The following PAPSS1 variants were observed in gnomAD, a reference collection of about 807,000 sequenced individuals.
The protein encoded by PAPSS1 is bifunctional 3'-phosphoadenosine 5'-phosphosulfate synthase 1.
A neutral mutation model predicts 72.0 loss-of-function variants in PAPSS1; 50 were observed. The observed-to-expected ratio is 0.69, with a 90% CI of 0.55 to 0.88. The LOEUF is 0.88. Ranked by LOEUF, PAPSS1 falls within the 40% of genes least tolerant of loss-of-function variation. The pLI is 0.00. For synonymous variants in PAPSS1, 261 were observed against 263.6 expected (o/e 0.99, Z 0.09); for missense variants, 657 against 782.2 (o/e 0.84, Z 1.91).
chr4:107,621,236 G>A (rs542512755), intron 11 of PAPSS1, among the ~76,000 whole-genome samples: 63 of 152,144 alleles, frequency 4.1e-4, no homozygotes, highest in Middle Eastern at 3.4e-3. Flanking sequence ...GGCATAGTAT[G>A]GTACCAGATA....
intron 10 of PAPSS1, among the ~76,000 whole-genome samples, chr4:107,640,954 G>C (rs1419062256): frequency 2.0e-5 from 3 of 152,024 alleles, no homozygotes; most frequent in Non-Finnish European, 4.4e-5. Context: ...CTAACTTCTT[G>C]GCCTTCCCTC....
chr4:107,614,730 C>A (rs1052716855), intron 11 of PAPSS1, among the ~76,000 whole-genome samples: 22 of 152,156 alleles, frequency 1.4e-4, no homozygotes, highest in Non-Finnish European at 2.9e-4. Context: ...ATATCACAGC[C>A]AGGATTATCA....
At chr4:107,701,144 A>T (rs1214887580) in intron 2 of PAPSS1, 27 bp downstream of exon 2, 1 of 1,500,706 alleles carries the variant, frequency 6.7e-7, no homozygotes, top group African/African-American at 1.4e-5. Flanking sequence ...CTTTTAAAAT[A>T]AACTGCTTTC....
In PAPSS1 at chr4:107,656,943, C is replaced by CTA; in HGVS notation, c.847_848insTA (p.Arg283IlefsTer27). 1 of 1,613,884 alleles carries CTA rather than the reference C, an allele frequency of 6.2e-7. No homozygotes were observed. Among genetic ancestry groups the CTA allele is most frequent in the Non-Finnish European group, 8.5e-7 (1 of 1,179,764 alleles). ...AAGGCACTGCAAGTACTCCCTCTCT[C>CTA]TCATAAAGCCATTCAATGGGGTTGC... On this transcript the variant is annotated frameshift_variant, in exon 7 of 12. Coordinates refer to ENST00000265174, the MANE Select transcript of PAPSS1 (RefSeq NM_005443.5). LOFTEE classifies it high-confidence loss of function.
At chr4:107,699,201 C>T (rs1264708159) in intron 2 of PAPSS1, among the ~76,000 whole-genome samples, 1 of 151,706 alleles carries the variant, frequency 6.6e-6, no homozygotes, top group Non-Finnish European at 1.5e-5. Context: ...CAATCCCAAA[C>T]TAAATAACAA....
intron 1 of PAPSS1, among the ~76,000 whole-genome samples, chr4:107,715,811 G>A (rs753828990): frequency 1.3e-5 from 2 of 152,146 alleles, no homozygotes; most frequent in African/African-American, 4.8e-5. Flanking sequence ...CATGTGCCAG[G>A]AACCATAGTT....
chr4:107,710,566 G>A lies in PAPSS1; in HGVS notation c.61-9281C>T, dbSNP rs76110284. Among the ~76,000 whole-genome samples the A allele has an allele frequency of 3.8e-3, 585 of 152,204 alleles. 5 individuals are homozygous for A. Among genetic ancestry groups the A allele is most frequent in the Non-Finnish European group, 7.2e-3 (487 of 68,012 alleles). Reference sequence around the variant, plus strand: ...GCAGATAGCTGAAAGAACACTCAGGGGCATATGCAGGTGAAAGGTAGTTTT... The same window carrying A: ...GCAGATAGCTGAAAGAACACTCAGGAGCATATGCAGGTGAAAGGTAGTTTT... On this transcript the variant is annotated intron_variant, in intron 1 of 11. Coordinates refer to ENST00000265174, the MANE Select transcript of PAPSS1 (RefSeq NM_005443.5).
chr4:107,696,037 G>C (rs1723055556), intron 2 of PAPSS1, among the ~76,000 whole-genome samples: 1 of 152,156 alleles, frequency 6.6e-6, no homozygotes, highest in South Asian at 2.1e-4. Flanking sequence ...TCTCATGCCA[G>C]TCAGAATGGC....
At chr4:107,663,965 G>C (rs761568911) in intron 5 of PAPSS1, among the ~76,000 whole-genome samples, 1 of 152,130 alleles carries the variant, frequency 6.6e-6, no homozygotes, top group East Asian at 1.9e-4. Flanking sequence ...CTTCCAATGC[G>C]TTGGTAAGGT....
Position 107,667,698 on chromosome 4 carries a change from T to A in PAPSS1, c.670-7626A>T. Among the ~76,000 whole-genome samples, 3 of 152,360 alleles carry A rather than the reference T, an allele frequency of 2.0e-5. No individual in the cohort carries two copies. In the South Asian group the frequency reaches 6.2e-4, roughly 32 times the overall value. ...AAATTTACTTAGTTTATTTTAGAAA[T>A]AAAGTTGTCATTATATATAGTATAA... On this transcript the variant is annotated intron_variant, in intron 5 of 11. Coordinates refer to ENST00000265174, the MANE Select transcript of PAPSS1 (RefSeq NM_005443.5).
At position 107,645,048 on chromosome 4, in the gene PAPSS1, T is replaced by C. The variant is rs35580994; in HGVS notation, c.1260A>G (p.Leu420=). 32,049 of 1,547,636 alleles carry C rather than the reference T, an allele frequency of 0.021. 369 individuals are homozygous for C. The highest frequency in any genetic ancestry group is 0.024 in the Non-Finnish European group (27,163 of 1,145,482). Residue 420 remains leucine (L), a synonymous_variant, in exon 10 of 12, where the codon CTA becomes CTG. Coordinates refer to ENST00000265174, the MANE Select transcript of PAPSS1 (RefSeq NM_005443.5). ...MNADAVFAFQ[L]RNPVHNGHAL... is the part of the protein sequence containing the mutation. ...CATGTCCATTGTGCACTGGGTTGCG[T>C]AGTTGAAATGCAAAGACAGCATCTG... is the stretch of plus-strand genomic sequence containing the variant.
intron 10 of PAPSS1, among the ~76,000 whole-genome samples, chr4:107,642,844 G>T (rs550525194): frequency 5.3e-5 from 8 of 152,288 alleles, no homozygotes; most frequent in African/African-American, 1.9e-4. Flanking sequence ...TGATGGGAGT[G>T]TAAAATGGTA....
chr4:107,701,124 A>G (rs1449039410), intron 2 of PAPSS1, 47 bp downstream of exon 2: 4 of 1,254,248 alleles, frequency 3.2e-6, no homozygotes, highest in Non-Finnish European at 4.7e-6. Context: ...AAGGTTACCT[A>G]TATGCACTGC....
intron 9 of PAPSS1, 52 bp from the exon 10 acceptor site, chr4:107,645,122 T>C: frequency 7.4e-7 from 1 of 1,356,922 alleles, no homozygotes; most frequent in Non-Finnish European, 9.6e-7. Flanking sequence ...ACAGATTACT[T>C]TCCAAAGGAT....
intron 10 of PAPSS1, among the ~76,000 whole-genome samples, chr4:107,635,006 G>A (rs967928457): frequency 2.6e-5 from 4 of 151,960 alleles, no homozygotes; most frequent in Admixed American, 1.3e-4. Context: ...TACCGTGTTA[G>A]CCAGGATGGT....
intron 5 of PAPSS1, among the ~76,000 whole-genome samples, chr4:107,670,561 C>G (rs1727442045): frequency 6.6e-6 from 1 of 152,092 alleles, no homozygotes; most frequent in African/African-American, 2.4e-5. Flanking sequence ...TTATTTCAGA[C>G]AGGGTCTCAC....
intron 11 of PAPSS1, among the ~76,000 whole-genome samples, chr4:107,626,937 T>A (rs546487888): frequency 6.6e-6 from 1 of 152,280 alleles, no homozygotes; most frequent in South Asian, 2.1e-4. Context: ...CCCCAAAAAA[T>A]TCCAAGAAAA....
At chr4:107,621,995 A>C (rs1725977259) in intron 11 of PAPSS1, among the ~76,000 whole-genome samples, 1 of 152,080 alleles carries the variant, frequency 6.6e-6, no homozygotes, top group South Asian at 2.1e-4. Flanking sequence ...GAGGACATCA[A>C]GGGCACTTGT....
chr4:107,707,822 C>T (rs1272603488), intron 1 of PAPSS1, among the ~76,000 whole-genome samples: 1 of 152,158 alleles, frequency 6.6e-6, no homozygotes, highest in East Asian at 1.9e-4. Flanking sequence ...TGGGAAGTCC[C>T]ATTCTGTCAT....
Sources: gnomAD v4.1 joint callset for allele counts (sites outside exome capture counted in the v4.1 genomes callset) on GRCh38, gnomAD v4.1.1 for gene constraint, MANE v1.5 for transcripts, NCBI Gene and HGNC (gene_info 2026-07-23, HGNC 2026-07-21) for gene names.